The following DAB1 variants were observed in gnomAD, a reference collection of about 807,000 sequenced individuals.
The protein encoded by DAB1 is disabled homolog 1.
A neutral mutation model predicts 64.6 loss-of-function variants in DAB1; 15 were observed. The ratio of observed to expected loss-of-function variants is 0.23; its 90% CI spans 0.16 to 0.36. DAB1 has a LOEUF of 0.36. Among genes scored for constraint, DAB1 ranks in the 10% least tolerant of loss-of-function variants. The pLI, the probability that DAB1 is intolerant of heterozygous loss-of-function variation, is 1.00. For synonymous variants in DAB1, 235 were observed against 251.9 expected, an observed-to-expected ratio of 0.93 and a Z score of 0.64; for missense variants, 596 against 706.7, an observed-to-expected ratio of 0.84 and a Z score of 1.78.
chr1:58,185,292 C>CA (rs1657014243), intron 4 of DAB1, among the ~76,000 whole-genome samples: 1 of 152,162 alleles, frequency 6.6e-6, no homozygotes, highest in African/African-American at 2.4e-5. Context: ...TCATTATCTG[C>CA]AGGCATCTGA....
At chr1:57,295,968 A>G (rs1485482775) in intron 1 of DAB1, among the ~76,000 whole-genome samples, 1 of 152,154 alleles carries the variant, frequency 6.6e-6, no homozygotes, top group East Asian at 1.9e-4. Context: ...AAACTTTATC[A>G]AATAACTTAT....
At chr1:57,199,822 A>C (rs543236363) in intron 2 of DAB1, among the ~76,000 whole-genome samples, 1 of 152,234 alleles carries the variant, frequency 6.6e-6, no homozygotes, top group East Asian at 1.9e-4. Flanking sequence ...AGTGATCAGG[A>C]CTTAACAGGA....
At chr1:57,429,235 C>T (rs990142707) in intron 7 of DAB1, among the ~76,000 whole-genome samples, 8 of 152,034 alleles carry the variant, frequency 5.3e-5, no homozygotes, top group African/African-American at 1.7e-4. Context: ...CTTGATGATT[C>T]GTGATATTAA....
chr1:57,324,137 A>G (rs533871874), intron 1 of DAB1, among the ~76,000 whole-genome samples: 6 of 152,240 alleles, frequency 3.9e-5, no homozygotes, highest in Non-Finnish European at 7.3e-5. Flanking sequence ...TATGCAGATT[A>G]AAACGTTTCA....
intron 1 of DAB1, among the ~76,000 whole-genome samples, chr1:57,401,327 A>C (rs1683224618): frequency 6.6e-6 from 1 of 152,232 alleles, no homozygotes; most frequent in South Asian, 2.1e-4. Flanking sequence ...AATGCAATGT[A>C]GTTTATTCAT....
At chr1:57,456,407 T>A (rs778409641) in intron 7 of DAB1, among the ~76,000 whole-genome samples, 1 of 152,194 alleles carries the variant, frequency 6.6e-6, no homozygotes, top group African/African-American at 2.4e-5. Flanking sequence ...TTGCAGATGT[T>A]GTTGGCTTTG....
At chr1:57,195,489 C>T (rs975286007) in intron 2 of DAB1, among the ~76,000 whole-genome samples, 16 of 152,310 alleles carry the variant, frequency 1.1e-4, no homozygotes, top group African/African-American at 3.6e-4. Flanking sequence ...CCATCATATT[C>T]CCATTTTACA....
At chr1:58,066,595 C>T (rs12563473) in intron 5 of DAB1, among the ~76,000 whole-genome samples, 38,486 of 151,966 alleles carry the variant, frequency 0.25, 6,378 homozygotes, top group African/African-American at 0.46. Context: ...AACTGAGGCA[C>T]AAAAAGATTG....
chr1:58,198,177 G>C (rs1430271001), intron 4 of DAB1, among the ~76,000 whole-genome samples: 1 of 152,190 alleles, frequency 6.6e-6, no homozygotes, highest in African/African-American at 2.4e-5. Flanking sequence ...AGCTGTCCCA[G>C]CATCATAGCA....
At chr1:57,159,489 A>G (rs1381581307) in intron 2 of DAB1, among the ~76,000 whole-genome samples, 1 of 152,224 alleles carries the variant, frequency 6.6e-6, no homozygotes. Flanking sequence ...GGTAGACTGT[A>G]AGTTTATGAG....
chr1:57,549,089 G>C (rs912555815), intron 7 of DAB1, among the ~76,000 whole-genome samples: 17 of 152,094 alleles, frequency 1.1e-4, no homozygotes, highest in African/African-American at 3.6e-4. Context: ...CCTATGACTG[G>C]ATCTACGCAA....
intron 7 of DAB1, among the ~76,000 whole-genome samples, chr1:57,583,354 T>G (rs911717207): frequency 3.3e-5 from 5 of 150,914 alleles, no homozygotes; most frequent in Non-Finnish European, 5.9e-5. Context: ...TGGTGCGATC[T>G]CAGCTCACTG....
intron 4 of DAB1, among the ~76,000 whole-genome samples, chr1:58,219,603 G>A (rs1229720730): frequency 6.6e-6 from 1 of 152,102 alleles, no homozygotes. Context: ...CTCCTTCCAC[G>A]CTCCTCACCA....
At chr1:58,147,562 G>T (rs1654674735) in intron 5 of DAB1, among the ~76,000 whole-genome samples, 1 of 151,498 alleles carries the variant, frequency 6.6e-6, no homozygotes, top group African/African-American at 2.4e-5. Context: ...CTTGCAGTGA[G>T]CTGAGATTGC....
chr1:58,519,909 G>A (rs1646234895), intron 2 of DAB1, among the ~76,000 whole-genome samples: 1 of 152,158 alleles, frequency 6.6e-6, no homozygotes, highest in Admixed American at 6.5e-5. Context: ...CGAATTTAAT[G>A]TAGAACAAAT....
chr1:57,615,278 T>C (rs1645778858), intron 7 of DAB1, among the ~76,000 whole-genome samples: 1 of 152,236 alleles, frequency 6.6e-6, no homozygotes, highest in East Asian at 1.9e-4. Context: ...GACTAAGTTC[T>C]GGTCAAAGGT....
At chr1:57,776,926 A>T (rs560562772) in intron 6 of DAB1, among the ~76,000 whole-genome samples, 22 of 151,906 alleles carry the variant, frequency 1.4e-4, no homozygotes, top group African/African-American at 5.3e-4. Context: ...TACAGATGCA[A>T]GTCCTCAGCA....
chr1:58,403,620 G>A (rs1644591058), intron 3 of DAB1, among the ~76,000 whole-genome samples: 1 of 152,132 alleles, frequency 6.6e-6, no homozygotes, highest in Non-Finnish European at 1.5e-5. Flanking sequence ...TAACCTCTCT[G>A]AGCCTCAATT....
intron 6 of DAB1, among the ~76,000 whole-genome samples, chr1:57,788,939 C>A (rs1650461827): frequency 1.3e-5 from 2 of 152,168 alleles, no homozygotes; most frequent in Non-Finnish European, 2.9e-5. Context: ...TTCAAAGCAG[C>A]AAAACTGACT....
Sources: allele counts gnomAD v4.1 joint callset (sites outside exome capture counted in the v4.1 genomes callset), GRCh38; gene constraint gnomAD v4.1.1; transcripts MANE v1.5; gene names NCBI Gene and HGNC (gene_info 2026-07-23, HGNC 2026-07-21).